SLC7A14: variants seen among roughly 807,000 people sequenced by gnomAD.
SLC7A14 encodes solute carrier family 7 member 14.
A neutral mutation model predicts 60.2 loss-of-function variants in SLC7A14; 37 were observed. That is an observed-to-expected ratio of 0.61 (90% confidence interval 0.47 to 0.81). The LOEUF (loss-of-function observed/expected upper bound fraction) is 0.81, where lower values mean the gene tolerates loss of function less well. SLC7A14 is among the 30% of genes least tolerant of loss of function. The probability of loss-of-function intolerance (pLI) is 0.00; values close to 1 mark genes in which losing one functional copy is unlikely to be tolerated. For synonymous variants in SLC7A14, 399 were observed against 395.8 expected (o/e 1.01, Z -0.10); for missense variants, 886 against 982.7 (o/e 0.90, Z 1.32).
chr3:170,504,141 C>G (rs2108282062), intron 2 of SLC7A14, among the ~76,000 whole-genome samples: 1 of 152,270 alleles, frequency 6.6e-6, no homozygotes, highest in African/African-American at 2.4e-5. Context: ...GAGCATCTAG[C>G]CTGGCATTGA....
intron 1 of SLC7A14, among the ~76,000 whole-genome samples, chr3:170,530,511 G>C: frequency 6.6e-6 from 1 of 152,238 alleles, no homozygotes; most frequent in East Asian, 1.9e-4. Context: ...AAGATGCGCA[G>C]AGGTCAGACT....
intron 1 of SLC7A14, among the ~76,000 whole-genome samples, chr3:170,553,884 ATTATC>A (rs1333958203): frequency 6.6e-6 from 1 of 151,230 alleles, no homozygotes; most frequent in African/African-American, 2.4e-5. Flanking sequence ...ACATTTTAAT[ATTATC>A]TTTTTTTTCT....
chr3:170,503,538 C>A lies in SLC7A14; in HGVS notation c.305-2193G>T, dbSNP rs562624979. The stretch of plus-strand genomic sequence containing the variant: ...AGTGAAGATGCAACTCACTTCCCTG[C>A]TTTGGTATTGGATCCACAGCATTAT... On this transcript the variant is annotated intron_variant, in intron 2 of 7. Transcript: ENST00000231706. Among the ~76,000 whole-genome samples, 87 of 152,236 alleles carry A rather than the reference C, an allele frequency of 5.7e-4. 1 individual carries two copies. The South Asian group carries it at 8.7e-3, about 15-fold the overall frequency.
intron 7 of SLC7A14, among the ~76,000 whole-genome samples, chr3:170,477,334 C>A (rs2108267016): frequency 6.6e-6 from 1 of 152,308 alleles, no homozygotes; most frequent in South Asian, 2.1e-4. Context: ...TCTCCAATTC[C>A]AGTTAGTTAT....
intron 2 of SLC7A14, among the ~76,000 whole-genome samples, chr3:170,504,575 C>T (rs1331593313): frequency 2.0e-5 from 3 of 152,150 alleles, no homozygotes; most frequent in Non-Finnish European, 2.9e-5. Context: ...CCTGCTTCAG[C>T]CTTCCAAAGT....
chr3:170,508,098 T>C (rs1409076227), intron 2 of SLC7A14, among the ~76,000 whole-genome samples: 1 of 152,218 alleles, frequency 6.6e-6, no homozygotes, highest in African/African-American at 2.4e-5. Flanking sequence ...CATTCATTTA[T>C]CCCATGCACT....
At chr3:170,473,900 A>C (rs1321316407) in intron 7 of SLC7A14, among the ~76,000 whole-genome samples, 1 of 152,188 alleles carries the variant, frequency 6.6e-6, no homozygotes, top group African/African-American at 2.4e-5. Flanking sequence ...TTTTATTTGC[A>C]GTATATAATG....
At position 170,496,479 on chromosome 3, in the gene SLC7A14, A is replaced by G. The variant is rs1712398309; in HGVS notation, c.759+2188T>C. 2.2e-6 allele frequency: 3 copies of G among 1,356,304 alleles called. No homozygotes were observed. The South Asian group carries it at 3.5e-5, about 16-fold the overall frequency. The allele number at this position is 1,356,304 out of a possible 1,614,324, so 84.0% of individuals were successfully genotyped here. A position where few individuals can be genotyped will look rare whatever the true frequency, so the allele number is the denominator to read the frequency against. On this transcript the variant is annotated intron_variant, in intron 4 of 7. Transcript: ENST00000231706. ...TGGGGAGCTGGCCGTTAAGGATGCC[A>G]GCGCCAAGCGGTCGGAGCTGGAGGC...
intron 2 of SLC7A14, among the ~76,000 whole-genome samples, chr3:170,510,412 A>T: frequency 6.7e-6 from 1 of 149,516 alleles, no homozygotes; most frequent in East Asian, 1.9e-4. Context: ...AAATAAATAA[A>T]TAAATAAATA....
At position 170,465,230 on chromosome 3, in the gene SLC7A14, T is replaced by G. The variant is rs1739690114; in HGVS notation, c.*1825A>C. The G allele has an allele frequency of 6.6e-6, 1 of 152,268 alleles. No individual in the cohort carries two copies. The highest frequency in any genetic ancestry group is 2.4e-5 in the African/African-American group (1 of 41,462). The allele number at this position is 152,268 out of a possible 1,614,324, so 9.4% of individuals were successfully genotyped here. On this transcript the variant is annotated 3_prime_UTR_variant, in exon 8 of 8. Transcript: ENST00000231706. ...ATTGGCTATGATTACGATATGTAAT[T>G]TATTTAAAGCATATTTTTTAAAAAC...
At position 170,526,875 on chromosome 3, in the gene SLC7A14, G is replaced by A; in HGVS notation, c.62C>T (p.Ala21Val). ...GGTGCGTAGGATCCTGGAGTGCATT[G>A]CATACCAGGCAGCTCCCCACTGCAC... ...RRVQWGAAWY[A>V]MHSRILRTKP... The change falls in exon 2 of 8, where the codon GCA becomes GTA. Residue 21 changes from alanine (A) to valine (V), a missense_variant. Transcript: ENST00000231706. The A allele has an allele frequency of 1.2e-6, 2 of 1,613,952 alleles. No homozygotes were observed. Among genetic ancestry groups the A allele is most frequent in the Non-Finnish European group, 1.7e-6 (2 of 1,179,942 alleles).
At chr3:170,583,158 A>AT (rs1280530592) in intron 1 of SLC7A14, among the ~76,000 whole-genome samples, 2 of 152,134 alleles carry the variant, frequency 1.3e-5, no homozygotes, top group African/African-American at 4.8e-5. Flanking sequence ...TGGGAAAATT[A>AT]TTTTTTGGGG....
At chr3:170,507,635 G>A (rs1712823471) in intron 2 of SLC7A14, among the ~76,000 whole-genome samples, 1 of 152,146 alleles carries the variant, frequency 6.6e-6, no homozygotes, top group Non-Finnish European at 1.5e-5. Flanking sequence ...CTGCAGAGGT[G>A]GACTGAGATC....
intron 7 of SLC7A14, among the ~76,000 whole-genome samples, chr3:170,470,336 G>GTGTGTGTGTGTGTGTGTA (rs1235912669): frequency 6.6e-6 from 1 of 151,128 alleles, no homozygotes; most frequent in East Asian, 1.9e-4. Flanking sequence ...GTGTGTGTGT[G>GTGTGTGTGTGTGTGTGTA]TGTATGTGTG....
At chr3:170,543,731 T>TTTTCTTTC (rs761250853) in intron 1 of SLC7A14, among the ~76,000 whole-genome samples, 1 of 150,014 alleles carries the variant, frequency 6.7e-6, no homozygotes, top group Non-Finnish European at 1.5e-5. Flanking sequence ...CTAAACTGCA[T>TTTTCTTTC]TTTCTTTCTT....
At chr3:170,578,331 T>G (rs1229622345) in intron 1 of SLC7A14, among the ~76,000 whole-genome samples, 1 of 152,218 alleles carries the variant, frequency 6.6e-6, no homozygotes, top group Non-Finnish European at 1.5e-5. Context: ...CAATGTAGAT[T>G]CCCACACACA....
intron 4 of SLC7A14, chr3:170,496,065 T>TCTTC: frequency 7.9e-7 from 1 of 1,261,162 alleles, no homozygotes; most frequent in Non-Finnish European, 1.2e-6. Flanking sequence ...AGAGCTGGAG[T>TCTTC]CTCGCCTGGA....
chr3:170,481,036 G>A lies in SLC7A14; in HGVS notation c.1246C>T (p.Leu416Phe), dbSNP rs753129566. 109 of 1,613,958 alleles carry A rather than the reference G, an allele frequency of 6.8e-5. No homozygotes were observed. The Middle Eastern group carries it at 9.9e-4, about 15-fold the overall frequency. ...DLIEMMSIGT[L>F]LAYTLVSVCV... Reference sequence around the variant, plus strand: ...ACAGAGACCAAGGTGTAGGCCAGGAGCGTGCCGATAGACATCATCTCTATC... The same window carrying A: ...ACAGAGACCAAGGTGTAGGCCAGGAACGTGCCGATAGACATCATCTCTATC... Residue 416 changes from leucine (L) to phenylalanine (F), a missense_variant, in exon 7 of 8, where the codon CTC becomes TTC. Transcript: ENST00000231706.
In SLC7A14 at chr3:170,480,676, G is replaced by C. The variant is rs1186950311; in HGVS notation, c.1606C>G (p.Leu536Val). 5 of 1,614,262 alleles carry C rather than the reference G, an allele frequency of 3.1e-6. No homozygotes were observed. Among genetic ancestry groups the C allele is most frequent in the Non-Finnish European group, 4.2e-6 (5 of 1,180,042 alleles). ...ENIYLIKLKK[L>V]IGPHYYTMRI... The stretch of plus-strand genomic sequence containing the variant: ...ATGGTGTAATAATGAGGCCCAATCA[G>C]CTTCTTTAACTTGATGAGATAAATA... Residue 536 changes from leucine (L) to valine (V), a missense_variant, in exon 7 of 8, where the codon CTG (leucine) becomes GTG (valine). Physicochemically the swap from Leu to Val is conservative, Grantham distance 32 (BLOSUM62 1). Coordinates refer to ENST00000231706, the MANE Select transcript of SLC7A14 (RefSeq NM_020949.3).
Sources: allele counts gnomAD v4.1 joint callset (sites outside exome capture counted in the v4.1 genomes callset), GRCh38; gene constraint gnomAD v4.1.1; transcripts MANE v1.5; gene names NCBI Gene and HGNC (gene_info 2026-07-23, HGNC 2026-07-21).